The following EXPH5 variants were observed in gnomAD, a reference collection of about 807,000 sequenced individuals.
EXPH5 encodes exophilin-5.
In EXPH5, 42 loss-of-function variants were observed where a neutral mutation model predicts 41.1. The ratio of observed to expected loss-of-function variants is 1.02; its 90% CI spans 0.80 to 1.32. The LOEUF (loss-of-function observed/expected upper bound fraction) is 1.32. Among genes scored for constraint, EXPH5 ranks in the 40% most tolerant of loss-of-function variants. The pLI is 0.00. For missense variants in EXPH5, 2,298 were observed against 2,314.5 expected (o/e 0.99, Z 0.15); for synonymous variants, 798 against 833.5 (o/e 0.96, Z 0.73).
chr11:108,535,293 C>T (rs1327837905), intron 3 of EXPH5, among the ~76,000 whole-genome samples: 1 of 152,220 alleles, frequency 6.6e-6, no homozygotes, highest in Non-Finnish European at 1.5e-5. Context: ...AATGATCGGT[C>T]AGACCAGCTG....
chr11:108,512,869 A>G lies in EXPH5; in HGVS notation c.2638T>C (p.Ser880Pro), dbSNP rs759925263. 4 of 1,614,164 alleles carry G rather than the reference A, an allele frequency of 2.5e-6. No homozygotes were observed. The highest frequency in any genetic ancestry group is 2.2e-5 in the East Asian group (1 of 44,882). Residue 880 changes from serine to proline, a missense_variant, in exon 6 of 6, where the codon TCA (serine) becomes CCA (proline). By Grantham distance (74) the Ser-to-Pro change is moderately conservative (BLOSUM62 -1). Coordinates refer to ENST00000265843, the MANE Select transcript of EXPH5 (RefSeq NM_015065.3). ...GAGGAATCTGGTAGTGCAGCTGATG[A>G]CAGATCTAAAGAATCACACGAGGTC... Reference protein sequence around the residue: ...HKTSCDSLDLSSAALPDSSPS... With the variant: ...HKTSCDSLDLPSAALPDSSPS...
upstream of EXPH5, among the ~76,000 whole-genome samples, chr11:108,595,965 G>A (rs867843076): frequency 8.5e-5 from 13 of 152,288 alleles, no homozygotes; most frequent in South Asian, 1.0e-3. Context: ...ACTTTGGGAG[G>A]CGGAGGCGGG....
chr11:108,546,580 T>A (rs1304916996), intron 1 of EXPH5, among the ~76,000 whole-genome samples: 1 of 152,160 alleles, frequency 6.6e-6, no homozygotes, highest in Non-Finnish European at 1.5e-5. Flanking sequence ...GCATACATAA[T>A]CTTTAAAAAC....
In EXPH5 at chr11:108,511,628, T is replaced by C; in HGVS notation, c.3879A>G (p.Leu1293=). Reference sequence around the variant, plus strand: ...TAGAATAATTCTGTTTGTCTTTTTCTAAAGCGTTAGGAAATGTTTCAGTCT... The same window carrying C: ...TAGAATAATTCTGTTTGTCTTTTTCCAAAGCGTTAGGAAATGTTTCAGTCT... ...QVETETFPNA[L]EKDKQNYSTR... is the part of the protein sequence containing the mutation. Residue 1293 remains leucine (L), a synonymous_variant, in exon 6 of 6, where the codon TTA becomes TTG. Coordinates refer to ENST00000265843, the MANE Select transcript of EXPH5 (RefSeq NM_015065.3). 2 of 1,610,334 alleles carry C rather than the reference T, an allele frequency of 1.2e-6. No homozygotes were observed. The highest frequency in any genetic ancestry group is 8.5e-7 in the Non-Finnish European group (1 of 1,179,146).
chr11:108,578,453 A>T (rs1252336388), intron 1 of EXPH5, among the ~76,000 whole-genome samples: 1 of 152,096 alleles, frequency 6.6e-6, no homozygotes, highest in African/African-American at 2.4e-5. Flanking sequence ...GTATATTTTG[A>T]AGTCAGGTGA....
intron 5 of EXPH5, among the ~76,000 whole-genome samples, chr11:108,515,756 C>T (rs1051388152): frequency 6.6e-6 from 1 of 152,128 alleles, no homozygotes; most frequent in Admixed American, 6.6e-5. Context: ...AACCACTGTA[C>T]AATGCAACCT....
rs775034564 is a variant in EXPH5 at position 108,510,973 on chromosome 11, G to A, written c.4534C>T (p.Pro1512Ser). The change falls in exon 6 of 6, where the codon CCA (proline) becomes TCA (serine). Residue 1512 changes from proline (P) to serine (S), a missense_variant. Pro to Ser is a moderately conservative substitution (Grantham distance 74, BLOSUM62 -1). Transcript: ENST00000265843. ...HSESQVFALT[P>S]ALHKLQLGEE... is the part of the protein sequence containing the mutation. Reference sequence around the variant, plus strand: ...CCAAGCTGTAGTTTATGCAATGCTGGAGTAAGGGCAAAGACTTGACTCTCT... The same window carrying A: ...CCAAGCTGTAGTTTATGCAATGCTGAAGTAAGGGCAAAGACTTGACTCTCT... The A allele has an allele frequency of 1.9e-6, 3 of 1,614,140 alleles. No homozygotes were observed. The highest frequency in any genetic ancestry group is 4.5e-5 in the East Asian group (2 of 44,882).
chr11:108,547,794 T>A (rs2093944998), intron 1 of EXPH5, among the ~76,000 whole-genome samples: 1 of 152,184 alleles, frequency 6.6e-6, no homozygotes, highest in Admixed American at 6.6e-5. Context: ...GACTTGGCAA[T>A]TGAGCGTTTC....
chr11:108,602,610 G>C, the EXPH5 span, among the ~76,000 whole-genome samples: 3 of 151,214 alleles, frequency 2.0e-5, no homozygotes, highest in Non-Finnish European at 4.4e-5. Context: ...ACAGTGGCCA[G>C]ATCACAGCTC....
chr11:108,549,905 T>C (rs1436396074), intron 1 of EXPH5, among the ~76,000 whole-genome samples: 1 of 152,150 alleles, frequency 6.6e-6, no homozygotes, highest in African/African-American at 2.4e-5. Context: ...TCTTAGGAGG[T>C]GGGGTCTCTT....
the EXPH5 span, among the ~76,000 whole-genome samples, chr11:108,602,316 G>A: frequency 6.6e-6 from 1 of 152,142 alleles, no homozygotes; most frequent in African/African-American, 2.4e-5. Flanking sequence ...CTGTTTTACA[G>A]CTGTTCTTTA....
chr11:108,526,392 C>T (rs1174750116), intron 4 of EXPH5, among the ~76,000 whole-genome samples: 1 of 152,244 alleles, frequency 6.6e-6, no homozygotes, highest in Non-Finnish European at 1.5e-5. Context: ...AATCCCTAGA[C>T]TGGATTTTCA....
rs1035668359 is a variant in EXPH5, at chr11:108,505,850, G to A, written c.*3687C>T. 26 of 152,070 alleles carry A rather than the reference G, an allele frequency of 1.7e-4. No individual in the cohort carries two copies. The highest frequency in any genetic ancestry group is 6.3e-4 in the African/African-American group (26 of 41,408). 9.4% of individuals were successfully genotyped at this position (152,070 alleles called of 1,614,324 possible). A position where few individuals can be genotyped will look rare whatever the true frequency, so the allele number is the denominator to read the frequency against. ...CCTAAATGGATTTTTACCCCCTCCA[G>A]TACACATATTTACCTCCTACACAAA... On this transcript the variant is annotated 3_prime_UTR_variant, in exon 6 of 6. Transcript: ENST00000265843.
chr11:108,593,320 C>G, intron 1 of EXPH5, 98 bp downstream of exon 1: 1 of 1,062,730 alleles, frequency 9.4e-7, no homozygotes, highest in Non-Finnish European at 1.4e-6. Context: ...CGGAGCACCC[C>G]CGGGCAGGTG....
chr11:108,581,607 A>G (rs145278581), intron 1 of EXPH5, among the ~76,000 whole-genome samples: 1 of 152,226 alleles, frequency 6.6e-6, no homozygotes, highest in African/African-American at 2.4e-5. Flanking sequence ...AGAAATGAGA[A>G]AAAAATAGCA....
At chr11:108,526,482 C>A (rs1019555710) in intron 4 of EXPH5, among the ~76,000 whole-genome samples, 1 of 152,194 alleles carries the variant, frequency 6.6e-6, no homozygotes, top group Non-Finnish European at 1.5e-5. Flanking sequence ...CCTCAGACCC[C>A]GTGGCTCTCA....
the EXPH5 span, among the ~76,000 whole-genome samples, chr11:108,604,714 C>T: frequency 1.3e-5 from 2 of 151,880 alleles, no homozygotes; most frequent in Non-Finnish European, 2.9e-5. Flanking sequence ...GGTGTTAAGG[C>T]CAAGGAGAAT....
At chr11:108,605,953 A>G in the EXPH5 span, among the ~76,000 whole-genome samples, 2 of 152,228 alleles carry the variant, frequency 1.3e-5, no homozygotes, top group African/African-American at 4.8e-5. Flanking sequence ...CTTGTTTTTC[A>G]GAAATATTTC....
intron 1 of EXPH5, among the ~76,000 whole-genome samples, chr11:108,578,675 C>T (rs2094087973): frequency 6.6e-6 from 1 of 152,142 alleles, no homozygotes; most frequent in Non-Finnish European, 1.5e-5. Context: ...CATGGGCAAC[C>T]TTTCCATTTG....
Sources: allele counts gnomAD v4.1 joint callset (sites outside exome capture counted in the v4.1 genomes callset), GRCh38; gene constraint gnomAD v4.1.1; transcripts MANE v1.5; gene names NCBI Gene and HGNC (gene_info 2026-07-23, HGNC 2026-07-21).